Variants in XKR4 observed in about 807,000 individuals in gnomAD.
XKR4 encodes XK related 4, also known as XK-related protein 4.
Under a neutral mutation model 53.9 loss-of-function variants are expected in XKR4, and 12 were observed. That is an observed-to-expected ratio of 0.22 (90% CI 0.14 to 0.36). The LOEUF (loss-of-function observed/expected upper bound fraction) is 0.36, where lower values mean the gene tolerates loss of function less well. XKR4 is among the 10% of genes least tolerant of loss of function. XKR4 has a pLI of 1.00. For missense variants in XKR4, 799 were observed against 859.5 expected (o/e 0.93, Z 0.88); for synonymous variants, 354 against 362.4 (o/e 0.98, Z 0.26).
intron 2 of XKR4, among the ~76,000 whole-genome samples, chr8:55,516,966 T>G (rs189647113): frequency 2.6e-5 from 4 of 152,176 alleles, no homozygotes; most frequent in Non-Finnish European, 5.9e-5. Flanking sequence ...GAAATCATGT[T>G]TTTTTGCAGC....
intron 2 of XKR4, among the ~76,000 whole-genome samples, chr8:55,380,519 A>G (rs189972549): frequency 6.3e-4 from 96 of 152,382 alleles, no homozygotes; most frequent in African/African-American, 2.3e-3. Context: ...ACATTGAGAC[A>G]ACAACAAGAA....
At chr8:55,373,317 C>T (rs996238167) in intron 2 of XKR4, among the ~76,000 whole-genome samples, 1 of 152,124 alleles carries the variant, frequency 6.6e-6, no homozygotes, top group Non-Finnish European at 1.5e-5. Flanking sequence ...CAGGCATGCA[C>T]CACCACACCC....
At chr8:55,466,741 A>C (rs1805779781) in intron 2 of XKR4, among the ~76,000 whole-genome samples, 2 of 152,184 alleles carry the variant, frequency 1.3e-5, no homozygotes, top group Admixed American at 1.3e-4. Context: ...GATGTATCAG[A>C]ATGAGTTGAA....
intron 2 of XKR4, among the ~76,000 whole-genome samples, chr8:55,472,957 A>G (rs935260271): frequency 1.3e-5 from 2 of 152,092 alleles, no homozygotes; most frequent in African/African-American, 2.4e-5. Flanking sequence ...GGGCCTCAGC[A>G]TAAGTATGGC....
chr8:55,123,009 G>A (rs1478040928), intron 1 of XKR4, among the ~76,000 whole-genome samples: 2 of 152,122 alleles, frequency 1.3e-5, no homozygotes, highest in African/African-American at 4.8e-5. Context: ...TTTATCTGTT[G>A]GCTTGCACTT....
At chr8:55,289,851 G>GGAAAGAAAGAAA (rs541321670) in intron 1 of XKR4, among the ~76,000 whole-genome samples, 3,249 of 135,594 alleles carry the variant, frequency 0.024, 79 homozygotes, top group African/African-American at 0.05. Flanking sequence ...AAAGAAAGAA[G>GGAAAGAAAGAAA]GAAAGAAAGA....
At chr8:55,214,677 T>C (rs1181741403) in intron 1 of XKR4, among the ~76,000 whole-genome samples, 1 of 151,968 alleles carries the variant, frequency 6.6e-6, no homozygotes, top group Non-Finnish European at 1.5e-5. Context: ...TAATCTAGAG[T>C]TTAATTCTCT....
chr8:55,451,368 G>C (rs1303541178), intron 2 of XKR4: 2 of 700,492 alleles, frequency 2.9e-6, no homozygotes, highest in African/African-American at 3.5e-5. Context: ...GACTCCCCAC[G>C]TGGGCTGAGG....
chr8:55,460,074 T>C (rs1196788556), intron 2 of XKR4, among the ~76,000 whole-genome samples: 1 of 149,110 alleles, frequency 6.7e-6, no homozygotes. Context: ...AGTATATTTA[T>C]ACAACTGGAT....
intron 1 of XKR4, among the ~76,000 whole-genome samples, chr8:55,111,694 TG>T (rs1411671600): frequency 1.3e-5 from 2 of 152,192 alleles, no homozygotes; most frequent in African/African-American, 2.4e-5. Flanking sequence ...CCATATAGAC[TG>T]GAGAAGCCAA....
chr8:55,473,023 T>C (rs554452435), intron 2 of XKR4, among the ~76,000 whole-genome samples: 90 of 152,208 alleles, frequency 5.9e-4, no homozygotes, highest in Admixed American at 3.3e-3. Context: ...TATTGATCCA[T>C]TGGTCCTGGA....
intron 1 of XKR4, among the ~76,000 whole-genome samples, chr8:55,221,794 A>G (rs1353076237): frequency 1.3e-5 from 2 of 152,144 alleles, no homozygotes; most frequent in Non-Finnish European, 1.5e-5. Flanking sequence ...CTCACCGGAC[A>G]AGCTTTCCTC....
chr8:55,247,212 C>T (rs1818296731), intron 1 of XKR4, among the ~76,000 whole-genome samples: 1 of 152,258 alleles, frequency 6.6e-6, no homozygotes, highest in Non-Finnish European at 1.5e-5. Context: ...GCCCAAGGTT[C>T]CAGTGGTAAG....
In XKR4 at chr8:55,515,995, T is replaced by A. The variant is rs567327896; in HGVS notation, c.1007-7286T>A. Among the ~76,000 whole-genome samples, 9 of 152,362 alleles carry A rather than the reference T, an allele frequency of 5.9e-5. No homozygotes were observed. The East Asian group carries it at 1.2e-3, about 20-fold the overall frequency. ...GGAGCTTTGGAAGCAGGACTTCTGA[T>A]GCCTGTTCTCATTGCTAATTACATG... On this transcript the variant is annotated intron_variant, in intron 2 of 2. Coordinates refer to ENST00000327381, the MANE Select transcript of XKR4 (RefSeq NM_052898.2).
chr8:55,226,524 G>A (rs1817954741), intron 1 of XKR4, among the ~76,000 whole-genome samples: 1 of 152,122 alleles, frequency 6.6e-6, no homozygotes, highest in African/African-American at 2.4e-5. Flanking sequence ...GGGACAAGAC[G>A]TATCCATCCT....
chr8:55,433,723 G>A (rs1204733542), intron 2 of XKR4, among the ~76,000 whole-genome samples: 1 of 152,214 alleles, frequency 6.6e-6, no homozygotes, highest in African/African-American at 2.4e-5. Context: ...TATTAAATGA[G>A]TATTAGGAGG....
chr8:55,491,823 A>G (rs376397335), intron 2 of XKR4, among the ~76,000 whole-genome samples: 1 of 152,132 alleles, frequency 6.6e-6, no homozygotes, highest in African/African-American at 2.4e-5. Flanking sequence ...CAAAACGTAC[A>G]GTATCACAAC....
intron 1 of XKR4, among the ~76,000 whole-genome samples, chr8:55,205,705 T>A (rs1817637447): frequency 6.6e-6 from 1 of 152,168 alleles, no homozygotes; most frequent in African/African-American, 2.4e-5. Flanking sequence ...TGATAAAACA[T>A]TAGATGTGGG....
chr8:55,227,847 T>A (rs1416156106), intron 1 of XKR4, among the ~76,000 whole-genome samples: 1 of 152,226 alleles, frequency 6.6e-6, no homozygotes, highest in African/African-American at 2.4e-5. Context: ...CTCAGGCTGT[T>A]CTATGAATCC....
Sources: gnomAD v4.1 joint callset for allele counts (sites outside exome capture counted in the v4.1 genomes callset) on GRCh38, gnomAD v4.1.1 for gene constraint, MANE v1.5 for transcripts, NCBI Gene and HGNC (gene_info 2026-07-23, HGNC 2026-07-21) for gene names.